The following DGKI variants were observed in gnomAD, a reference collection of about 807,000 sequenced individuals.
DGKI encodes DAG kinase iota.
Under a neutral mutation model 147.5 loss-of-function variants are expected in DGKI, and 55 were observed. The observed-to-expected ratio is 0.37, with a 90% CI of 0.30 to 0.47. The LOEUF is 0.47. DGKI is among the 20% of genes least tolerant of loss of function. The pLI, the probability that DGKI is intolerant of heterozygous loss-of-function variation, is 1.00. For missense variants in DGKI, 1,007 were observed against 1,323.8 expected (o/e 0.76, Z 3.71); for synonymous variants, 469 against 477.1 (o/e 0.98, Z 0.22).
chr7:137,775,836 G>A (rs1196750511), intron 1 of DGKI, among the ~76,000 whole-genome samples: 1 of 152,084 alleles, frequency 6.6e-6, no homozygotes, highest in Non-Finnish European at 1.5e-5. Flanking sequence ...GTCTCACAGG[G>A]AAAGATGTCA....
At chr7:137,567,790 G>A (rs1416317300) in intron 19 of DGKI, among the ~76,000 whole-genome samples, 1 of 152,092 alleles carries the variant, frequency 6.6e-6, no homozygotes, top group Non-Finnish European at 1.5e-5. Flanking sequence ...TACTGTTATT[G>A]TGGTTGTGTT....
Position 137,391,364 on chromosome 7 carries a change from A to AG in DGKI, c.3058-29_3058-28insC, listed in dbSNP as rs1554394356. ...ATACGAAAATAGTGAGAAAAAAAAAAAGAGAGAGAGAGATAGACACAAGCG... is the reference window on the plus strand; with the variant it reads ...ATACGAAAATAGTGAGAAAAAAAAAAGAGAGAGAGAGAGATAGACACAAGCG... On this transcript the variant is annotated intron_variant, in intron 32 of 32. Coordinates refer to ENST00000614521, the MANE Select transcript of DGKI (RefSeq NM_001321708.2). 2,895 of 1,438,376 alleles carry AG rather than the reference A, an allele frequency of 2.0e-3. 4 individuals are homozygous for AG. The highest frequency in any genetic ancestry group is 2.5e-3 in the Non-Finnish European group (2,685 of 1,061,562). The allele number at this position is 1,438,376 out of a possible 1,614,324, so 89.1% of individuals were successfully genotyped here. A position where few individuals can be genotyped will look rare whatever the true frequency, so the allele number is the denominator to read the frequency against.
intron 1 of DGKI, among the ~76,000 whole-genome samples, chr7:137,770,951 G>A (rs1796176736): frequency 6.6e-6 from 1 of 152,136 alleles, no homozygotes; most frequent in South Asian, 2.1e-4. Context: ...CTTTACCTAT[G>A]GTATGTGAGG....
chr7:137,450,678 C>T lies in DGKI; in HGVS notation c.2736-6576G>A, dbSNP rs546197411. 1.4e-4 allele frequency among the ~76,000 whole-genome samples: 22 copies of T among 152,224 alleles called. No individual in the cohort carries two copies. The South Asian group carries it at 3.9e-3, about 27-fold the overall frequency. On this transcript the variant is annotated intron_variant, in intron 27 of 32. Coordinates refer to ENST00000614521, the MANE Select transcript of DGKI (RefSeq NM_001321708.2). The stretch of plus-strand genomic sequence containing the variant: ...CAGAGGTTGCAGTGAGCCAAGATTG[C>T]ACCGTTGCACTCCTGCCTGGACAAC...
intron 30 of DGKI, among the ~76,000 whole-genome samples, chr7:137,403,739 T>G (rs367782585): frequency 6.6e-6 from 1 of 152,196 alleles, no homozygotes; most frequent in Non-Finnish European, 1.5e-5. Flanking sequence ...ATAAACCAAA[T>G]TGTAAAAAAT....
intron 15 of DGKI, among the ~76,000 whole-genome samples, chr7:137,581,146 T>G (rs1379088347): frequency 6.6e-6 from 1 of 152,132 alleles, no homozygotes; most frequent in African/African-American, 2.4e-5. Flanking sequence ...GAGAAAATGT[T>G]GATGAAATAT....
At position 137,389,762 on chromosome 7, in the gene DGKI, T is replaced by G. The variant is rs1442773895; in HGVS notation, c.*1458A>C. 3 of 152,282 alleles carry G rather than the reference T, an allele frequency of 2.0e-5. No individual in the cohort carries two copies. Among genetic ancestry groups the G allele is most frequent in the Middle Eastern group, 3.4e-3 (1 of 294 alleles). 9.4% of individuals were successfully genotyped at this position (152,282 alleles called of 1,614,324 possible). ...ATTCGATCCGTGGCAGGTTTAGATG[T>G]TACAATTCTAACTATCTGACAGACA... On this transcript the variant is annotated 3_prime_UTR_variant, in exon 33 of 33. Transcript: ENST00000614521.
At chr7:137,424,417 C>A (rs117919897) in intron 28 of DGKI, among the ~76,000 whole-genome samples, 5,120 of 152,160 alleles carry the variant, frequency 0.034, 140 homozygotes, top group Non-Finnish European at 0.051. Context: ...GCCAAGGTGG[C>A]CGAATATGAA....
chr7:137,639,894 C>G (rs10275097), intron 6 of DGKI, among the ~76,000 whole-genome samples: 4 of 151,916 alleles, frequency 2.6e-5, no homozygotes, highest in South Asian at 2.1e-4. Flanking sequence ...ACTTCATGTA[C>G]ACAACTTGAT....
chr7:137,510,832 T>C (rs1305285964), intron 21 of DGKI, among the ~76,000 whole-genome samples: 1 of 152,202 alleles, frequency 6.6e-6, no homozygotes, highest in Non-Finnish European at 1.5e-5. Flanking sequence ...AAGCCTCTTT[T>C]GGGAAATAAA....
At chr7:137,575,299 C>A (rs1276321316) in intron 17 of DGKI, among the ~76,000 whole-genome samples, 1 of 152,150 alleles carries the variant, frequency 6.6e-6, no homozygotes, top group Admixed American at 6.5e-5. Context: ...GATATCACAT[C>A]TTTCCTAGTT....
In DGKI at chr7:137,513,052, GTC is replaced by G. The variant is rs1816630169; in HGVS notation, c.2248+8812_2248+8813del. ...AGCAATTCTGCCGAACCCTGTCACT[GTC>G]TCTCTCCTCAAGCTATTTCAAACCT... On this transcript the variant is annotated intron_variant, in intron 21 of 32. Transcript: ENST00000614521. Among the ~76,000 whole-genome samples the G allele has an allele frequency of 1.3e-5, 2 of 152,162 alleles. 1 individual carries two copies. Among genetic ancestry groups the G allele is most frequent in the South Asian group, 4.2e-4 (2 of 4,818 alleles).
intron 19 of DGKI, among the ~76,000 whole-genome samples, chr7:137,567,442 T>C (rs1363579587): frequency 6.6e-6 from 1 of 152,124 alleles, no homozygotes; most frequent in East Asian, 1.9e-4. Context: ...GGGGAAAATA[T>C]ATGTAGTGTA....
At chr7:137,774,106 C>A (rs1027394894) in intron 1 of DGKI, among the ~76,000 whole-genome samples, 1 of 152,100 alleles carries the variant, frequency 6.6e-6, no homozygotes, top group Admixed American at 6.5e-5. Flanking sequence ...TTAACTGGGT[C>A]CCTTATACTA....
At chr7:137,820,649 C>A (rs1346577737) in intron 1 of DGKI, among the ~76,000 whole-genome samples, 1 of 152,164 alleles carries the variant, frequency 6.6e-6, no homozygotes, top group Non-Finnish European at 1.5e-5. Flanking sequence ...GAACACCAAT[C>A]CCAAGGACAG....
At chr7:137,690,438 C>T (rs911136755) in intron 1 of DGKI, among the ~76,000 whole-genome samples, 1 of 152,208 alleles carries the variant, frequency 6.6e-6, no homozygotes, top group Admixed American at 6.5e-5. Flanking sequence ...GCAAAGCATT[C>T]TCCAAGCTGG....
intron 9 of DGKI, 21 bp downstream of exon 9, chr7:137,609,514 A>G: frequency 1.3e-6 from 2 of 1,581,608 alleles, no homozygotes; most frequent in African/African-American, 1.3e-5. Flanking sequence ...ATTCCTCAGA[A>G]TAAAACTCTG....
intron 20 of DGKI, among the ~76,000 whole-genome samples, chr7:137,523,559 G>A (rs968409604): frequency 6.6e-6 from 1 of 151,978 alleles, no homozygotes; most frequent in Admixed American, 6.6e-5. Context: ...AATGTCTGAG[G>A]TTCACTGGCT....
chr7:137,690,428 G>T (rs1217863615), intron 1 of DGKI, among the ~76,000 whole-genome samples: 3 of 152,134 alleles, frequency 2.0e-5, no homozygotes, highest in African/African-American at 7.2e-5. Flanking sequence ...CCATTTTCCA[G>T]CAAAGCATTC....
Sources: gnomAD v4.1 joint callset for allele counts (sites outside exome capture counted in the v4.1 genomes callset) on GRCh38, gnomAD v4.1.1 for gene constraint, MANE v1.5 for transcripts, NCBI Gene and HGNC (gene_info 2026-07-23, HGNC 2026-07-21) for gene names.